CADPS2: variants seen among roughly 807,000 people sequenced by gnomAD.
CADPS2 encodes the protein calcium dependent secretion activator 2.
In CADPS2, 93 loss-of-function variants were observed where a neutral mutation model predicts 172.5. The ratio of observed to expected loss-of-function variants is 0.54; its 90% CI spans 0.46 to 0.64. The LOEUF (loss-of-function observed/expected upper bound fraction) is 0.64, where lower values mean the gene tolerates loss of function less well. Among genes scored for constraint, CADPS2 ranks in the 30% least tolerant of loss-of-function variants. The pLI is 0.00. For synonymous variants in CADPS2, 546 were observed against 555.2 expected (o/e 0.98, Z 0.23); for missense variants, 1,420 against 1,565.9 (o/e 0.91, Z 1.57).
chr7:122,685,857 T>C (rs1015480872), intron 2 of CADPS2, among the ~76,000 whole-genome samples: 1 of 152,168 alleles, frequency 6.6e-6, no homozygotes, highest in Non-Finnish European at 1.5e-5. Flanking sequence ...TTCATTCCAG[T>C]TAGAGAAGCA....
intron 3 of CADPS2, among the ~76,000 whole-genome samples, chr7:122,649,070 T>C (rs2078864896): frequency 6.6e-6 from 1 of 151,654 alleles, no homozygotes; most frequent in Non-Finnish European, 1.5e-5. Context: ...ACCCCAACAG[T>C]GTTCTCTACC....
chr7:122,713,078 T>G (rs2089014507), intron 2 of CADPS2, among the ~76,000 whole-genome samples: 1 of 152,104 alleles, frequency 6.6e-6, no homozygotes, highest in African/African-American at 2.4e-5. Flanking sequence ...GTTATCACTT[T>G]CCTTAGGATA....
At chr7:122,494,256 A>C (rs538079762) in intron 9 of CADPS2, among the ~76,000 whole-genome samples, 7 of 152,274 alleles carry the variant, frequency 4.6e-5, no homozygotes, top group African/African-American at 1.7e-4. Flanking sequence ...CAGTAGCAAA[A>C]GGCTGACTAT....
At chr7:122,375,348 T>C (rs530161710) in intron 25 of CADPS2, among the ~76,000 whole-genome samples, 1 of 152,254 alleles carries the variant, frequency 6.6e-6, no homozygotes, top group South Asian at 2.1e-4. Context: ...TTAACTTTTT[T>C]AAGTAAACTT....
intron 2 of CADPS2, among the ~76,000 whole-genome samples, chr7:122,673,405 T>G (rs1260225724): frequency 2.0e-5 from 3 of 152,178 alleles, no homozygotes; most frequent in Non-Finnish European, 1.5e-5. Flanking sequence ...GAGTGCTGAT[T>G]GGTACATTTA....
intron 17 of CADPS2, among the ~76,000 whole-genome samples, chr7:122,435,027 C>T (rs1020765142): frequency 1.3e-5 from 2 of 152,034 alleles, no homozygotes; most frequent in Admixed American, 6.6e-5. Context: ...AAAAATATTG[C>T]TGAATTTTTA....
chr7:122,437,329 T>G (rs1444616747), intron 17 of CADPS2, among the ~76,000 whole-genome samples: 1 of 151,976 alleles, frequency 6.6e-6, no homozygotes, highest in Non-Finnish European at 1.5e-5. Flanking sequence ...ACTCAGGAGG[T>G]TGGTTATCGT....
intron 7 of CADPS2, among the ~76,000 whole-genome samples, chr7:122,557,227 C>T (rs952029314): frequency 1.3e-5 from 2 of 152,136 alleles, no homozygotes; most frequent in Admixed American, 6.6e-5. Flanking sequence ...AGTGGTCATA[C>T]TCCTTTATCC....
Position 122,886,001 on chromosome 7 carries a change from T to G in CADPS2, c.337A>C (p.Lys113Gln), listed in dbSNP as rs773972569. 3.1e-6 allele frequency: 5 copies of G among 1,604,318 alleles called. No homozygotes were observed. In the Admixed American group the frequency reaches 5.1e-5, roughly 16 times the overall value. ...QPTDMARRQQKLNKQQLQLLK... is the reference protein window; with the variant it reads ...QPTDMARRQQQLNKQQLQLLK... ...AGGCGCCCGGTCCCGCAACTCACCT[T>G]CTGCTGCCTCCGGGCCATGTCGGTG... Residue 113 changes from lysine (K) to glutamine (Q), a missense_variant and splice_region_variant, in exon 1 of 30, where the codon AAG becomes CAG. By Grantham distance (53) the Lys-to-Gln change is moderately conservative. Coordinates refer to ENST00000449022, the MANE Select transcript of CADPS2 (RefSeq NM_017954.11).
At chr7:122,386,261 G>A in intron 24 of CADPS2, 6 of 1,350,134 alleles carry the variant, frequency 4.4e-6, no homozygotes, top group Non-Finnish European at 5.9e-6. Flanking sequence ...TAACTCAAAT[G>A]AAATGTGCTT....
intron 1 of CADPS2, among the ~76,000 whole-genome samples, chr7:122,801,555 C>T (rs1274618622): frequency 6.6e-6 from 1 of 152,122 alleles, no homozygotes; most frequent in Non-Finnish European, 1.5e-5. Flanking sequence ...AAATATTACA[C>T]ATGTTCCCAT....
At chr7:122,385,829 T>C (rs1365293693) in intron 24 of CADPS2, among the ~76,000 whole-genome samples, 1 of 152,038 alleles carries the variant, frequency 6.6e-6, no homozygotes, top group African/African-American at 2.4e-5. Context: ...TGACTTTGGG[T>C]GTGGCCTCCT....
chr7:122,656,354 T>G (rs1164422199), intron 3 of CADPS2, among the ~76,000 whole-genome samples: 1 of 152,068 alleles, frequency 6.6e-6, no homozygotes, highest in African/African-American at 2.4e-5. Context: ...AGGGAAACAC[T>G]GAAAACTTAT....
intron 2 of CADPS2, among the ~76,000 whole-genome samples, chr7:122,673,317 G>A (rs2082058811): frequency 6.6e-6 from 1 of 152,158 alleles, no homozygotes. Flanking sequence ...CTGCAGATTG[G>A]TCCATTTTAC....
chr7:122,701,530 T>G (rs1275107742), intron 2 of CADPS2: 1 of 167,096 alleles, frequency 6.0e-6, no homozygotes, highest in Non-Finnish European at 1.3e-5. Context: ...ACATGGCACA[T>G]GTATACATAT....
chr7:122,822,629 T>G (rs566588272), intron 1 of CADPS2, among the ~76,000 whole-genome samples: 1 of 148,186 alleles, frequency 6.7e-6, no homozygotes, highest in African/African-American at 2.5e-5. Context: ...CTGAAGTAAC[T>G]GAAGAATCAT....
chr7:122,481,091 C>A (rs1385562521), intron 11 of CADPS2, among the ~76,000 whole-genome samples: 1 of 151,276 alleles, frequency 6.6e-6, no homozygotes, highest in Non-Finnish European at 1.5e-5. Context: ...TGGAGGAATT[C>A]ATGGCATTTC....
intron 25 of CADPS2, chr7:122,366,700 C>A (rs887737053): frequency 8.8e-6 from 1 of 113,712 alleles, no homozygotes; most frequent in Non-Finnish European, 2.0e-5. Context: ...TATATATATA[C>A]GTATACATAT....
intron 27 of CADPS2, among the ~76,000 whole-genome samples, chr7:122,358,790 T>C (rs780691052): frequency 6.6e-6 from 1 of 152,130 alleles, no homozygotes; most frequent in African/African-American, 2.4e-5. Context: ...GTAATGTCCA[T>C]AACTGAAGAA....
Sources: gnomAD v4.1 joint callset for allele counts (sites outside exome capture counted in the v4.1 genomes callset) on GRCh38, gnomAD v4.1.1 for gene constraint, MANE v1.5 for transcripts, NCBI Gene and HGNC (gene_info 2026-07-23, HGNC 2026-07-21) for gene names.